BCKDHB: variants seen among roughly 807,000 people sequenced by gnomAD.
BCKDHB encodes branched chain keto acid dehydrogenase E1 subunit beta, also known as 2-oxoisovalerate dehydrogenase subunit beta, mitochondrial.
Under a neutral mutation model 48.5 loss-of-function variants are expected in BCKDHB, and 41 were observed. The observed-to-expected ratio is 0.85, with a 90% CI of 0.66 to 1.10. The LOEUF (loss-of-function observed/expected upper bound fraction) is 1.10. BCKDHB is among the 50% of genes least tolerant of loss of function. The pLI, the probability that BCKDHB is intolerant of heterozygous loss-of-function variation, is 0.00. For missense variants in BCKDHB, 496 were observed against 494.2 expected, an observed-to-expected ratio of 1.00 and a Z score of -0.03; for synonymous variants, 201 against 174.8, an observed-to-expected ratio of 1.15 and a Z score of -1.18.
the BCKDHB span, among the ~76,000 whole-genome samples, chr6:80,389,336 C>A: frequency 1.3e-5 from 2 of 152,312 alleles, no homozygotes; most frequent in African/African-American, 4.8e-5. Context: ...TGCTGAGTGC[C>A]CAATTTGCCA....
At chr6:80,307,892 CAT>C (rs1767958239) in intron 9 of BCKDHB, 9 of 972,158 alleles carry the variant, frequency 9.3e-6, no homozygotes, top group Non-Finnish European at 1.1e-5. Flanking sequence ...AAATTAAAAA[CAT>C]AAAAATTATT....
chr6:80,116,813 A>AAGG, intron 1 of BCKDHB, among the ~76,000 whole-genome samples: 1 of 152,356 alleles, frequency 6.6e-6, no homozygotes. Flanking sequence ...GTGATTGCAT[A>AAGG]ATTAGGTAAC....
At chr6:80,107,550 TATATATGC>T (rs1335804681) in intron 1 of BCKDHB, among the ~76,000 whole-genome samples, 19 of 136,944 alleles carry the variant, frequency 1.4e-4, no homozygotes, top group African/African-American at 1.4e-4. Context: ...TATGCACACA[TATATATGC>T]ATATATATAT....
chr6:80,127,964 A>C (rs2127726566), intron 2 of BCKDHB, among the ~76,000 whole-genome samples: 1 of 152,214 alleles, frequency 6.6e-6, no homozygotes, highest in Middle Eastern at 3.4e-3. Context: ...TAAAATGAAG[A>C]CTTGATTTTA....
At chr6:80,315,018 C>T (rs1768365203) in intron 9 of BCKDHB, among the ~76,000 whole-genome samples, 1 of 152,216 alleles carries the variant, frequency 6.6e-6, no homozygotes, top group Non-Finnish European at 1.5e-5. Context: ...GGGTTCCATC[C>T]CCTCTCAGGC....
chr6:80,245,955 T>A (rs1776593325), intron 8 of BCKDHB, among the ~76,000 whole-genome samples: 1 of 152,080 alleles, frequency 6.6e-6, no homozygotes, highest in African/African-American at 2.4e-5. Context: ...TATGTGCCTG[T>A]GGTCCAGCTA....
chr6:80,106,997 T>G lies in BCKDHB; in HGVS notation c.196+108T>G, dbSNP rs549080169. On this transcript the variant is annotated intron_variant, in intron 1 of 9. Coordinates refer to ENST00000320393, the MANE Select transcript of BCKDHB (RefSeq NM_183050.4). ...AGGCTGCAATCCTTGCATCCCAGCT[T>G]ATTAACTTCCTGACTCTCTGGAACC... 5.3e-5 allele frequency: 73 copies of G among 1,368,586 alleles called. No individual in the cohort carries two copies. In the East Asian group the frequency reaches 1.8e-3, roughly 33 times the overall value. 84.8% of individuals were successfully genotyped at this position (1,368,586 alleles called of 1,614,324 possible).
At chr6:80,169,834 G>C in intron 5 of BCKDHB, 1 of 1,608,782 alleles carries the variant, frequency 6.2e-7, no homozygotes, top group Non-Finnish European at 8.5e-7. Flanking sequence ...GCTTATCTTA[G>C]TTGAGTAGAT....
chr6:80,281,412 A>G (rs1778189017), intron 9 of BCKDHB, among the ~76,000 whole-genome samples: 1 of 152,160 alleles, frequency 6.6e-6, no homozygotes, highest in African/African-American at 2.4e-5. Flanking sequence ...ATGGCCAAGA[A>G]TATTAAATGC....
the BCKDHB span, among the ~76,000 whole-genome samples, chr6:80,461,464 C>T: frequency 2.0e-5 from 3 of 152,144 alleles, no homozygotes; most frequent in Non-Finnish European, 4.4e-5. Flanking sequence ...TTTTCCCTGA[C>T]TCTTTTCTCT....
the BCKDHB span, among the ~76,000 whole-genome samples, chr6:80,406,022 G>C: frequency 3.3e-5 from 5 of 152,030 alleles, no homozygotes; most frequent in African/African-American, 1.2e-4. Context: ...TCCCTGCCTA[G>C]TGTCCATGTG....
chr6:80,117,926 G>A (rs1769793914), intron 1 of BCKDHB, among the ~76,000 whole-genome samples: 1 of 151,940 alleles, frequency 6.6e-6, no homozygotes, highest in Admixed American at 6.6e-5. Context: ...TAACACCGCT[G>A]GGTTAGTGTC....
At chr6:80,190,151 G>T (rs1367138132) in intron 6 of BCKDHB, among the ~76,000 whole-genome samples, 2 of 152,102 alleles carry the variant, frequency 1.3e-5, no homozygotes, top group South Asian at 2.1e-4. Flanking sequence ...CTTGATTCGT[G>T]TGTAAAAAAT....
chr6:80,196,942 T>C (rs1582332638), intron 6 of BCKDHB, among the ~76,000 whole-genome samples: 1 of 152,218 alleles, frequency 6.6e-6, no homozygotes, highest in East Asian at 1.9e-4. Context: ...TTTTTCTGAG[T>C]TGTTCATTTT....
Position 80,343,957 on chromosome 6 carries a change from C to A in BCKDHB, c.*153C>A. 1.0e-6 allele frequency: 1 copy of A among 964,650 alleles called. No homozygotes were observed. Among genetic ancestry groups the A allele is most frequent in the Non-Finnish European group, 1.6e-6 (1 of 627,974 alleles). The allele number at this position is 964,650 out of a possible 1,614,324, so 59.8% of individuals were successfully genotyped here. On this transcript the variant is annotated 3_prime_UTR_variant, in exon 10 of 10. Coordinates refer to ENST00000320393, the MANE Select transcript of BCKDHB (RefSeq NM_183050.4). ...GCAACTTTCAGAAGAAAATAATGTGCTTTAGAAAAAAAATTCAAATTTATA... is the reference window on the plus strand; with the variant it reads ...GCAACTTTCAGAAGAAAATAATGTGATTTAGAAAAAAAATTCAAATTTATA...
the BCKDHB span, among the ~76,000 whole-genome samples, chr6:80,422,440 C>T: frequency 6.6e-6 from 1 of 152,168 alleles, no homozygotes; most frequent in African/African-American, 2.4e-5. Context: ...ACAGAGTCCC[C>T]AATGGGGCAC....
intron 3 of BCKDHB, among the ~76,000 whole-genome samples, chr6:80,132,233 TC>T (rs1471628563): frequency 6.6e-6 from 1 of 151,838 alleles, no homozygotes; most frequent in Non-Finnish European, 1.5e-5. Context: ...TTCCGGACCC[TC>T]CAAGCAGACT....
the BCKDHB span, among the ~76,000 whole-genome samples, chr6:80,375,319 A>G: frequency 1.3e-5 from 2 of 152,142 alleles, no homozygotes; most frequent in Non-Finnish European, 2.9e-5. Flanking sequence ...ACATGATCCC[A>G]AACTTCTTGG....
chr6:80,377,628 A>G, the BCKDHB span, among the ~76,000 whole-genome samples: 1 of 152,190 alleles, frequency 6.6e-6, no homozygotes, highest in Non-Finnish European at 1.5e-5. Flanking sequence ...CTTGTTGGAA[A>G]TGAGTTGACC....
Sources: allele counts gnomAD v4.1 joint callset (sites outside exome capture counted in the v4.1 genomes callset), GRCh38; gene constraint gnomAD v4.1.1; transcripts MANE v1.5; gene names NCBI Gene and HGNC (gene_info 2026-07-23, HGNC 2026-07-21).